SEM1: variants seen among roughly 807,000 people sequenced by gnomAD.
SEM1 encodes the protein 26S proteasome complex subunit SEM1.
Under a neutral mutation model 12.7 loss-of-function variants are expected in SEM1, and 3 were observed. The observed-to-expected ratio is 0.24, with a 90% CI of 0.11 to 0.61. The LOEUF (loss-of-function observed/expected upper bound fraction) is 0.61. SEM1 is among the 20% of genes least tolerant of loss of function. SEM1 has a pLI of 0.88. For synonymous variants in SEM1, 30 were observed against 27.8 expected (o/e 1.08, Z -0.25); for missense variants, 59 against 81.3 (o/e 0.73, Z 1.06).
At chr7:96,558,522 AG>A (rs34105097) in intron 2 of SEM1, among the ~76,000 whole-genome samples, 83,121 of 151,990 alleles carry the variant, frequency 0.55, 25,721 homozygotes, top group Non-Finnish European at 0.69. Context: ...ACAGGCAGAC[AG>A]GGGAGGAGCT....
chr7:96,584,593 T>C (rs1260470858), intron 2 of SEM1, among the ~76,000 whole-genome samples: 2 of 151,598 alleles, frequency 1.3e-5, no homozygotes, highest in Non-Finnish European at 2.9e-5. Flanking sequence ...TCCCCGTCAC[T>C]TTCAGGTACA....
chr7:96,594,624 G>GT (rs1350923247), intron 2 of SEM1, among the ~76,000 whole-genome samples: 1 of 152,094 alleles, frequency 6.6e-6, no homozygotes, highest in Non-Finnish European at 1.5e-5. Flanking sequence ...AATATTAAGT[G>GT]TTTTTTGTTA....
intron 2 of SEM1, among the ~76,000 whole-genome samples, chr7:96,552,303 C>G (rs1339685409): frequency 6.6e-6 from 1 of 152,100 alleles, no homozygotes; most frequent in African/African-American, 2.4e-5. Flanking sequence ...AACTCGTCAT[C>G]TAGCATTAGG....
chr7:96,675,709 T>TTA (rs1276400448), intron 2 of SEM1, among the ~76,000 whole-genome samples: 1 of 152,142 alleles, frequency 6.6e-6, no homozygotes, highest in Non-Finnish European at 1.5e-5. Flanking sequence ...CAGCTCCCTG[T>TTA]TATAGCCAGG....
At chr7:96,670,095 T>C (rs552334468), downstream of SEM1, among the ~76,000 whole-genome samples, 3 of 152,328 alleles carry the variant, frequency 2.0e-5, no homozygotes, top group South Asian at 4.1e-4. Context: ...TTAAATACTA[T>C]TGTTAATTTC....
intron 2 of SEM1, among the ~76,000 whole-genome samples, chr7:96,587,155 T>C (rs923802690): frequency 1.3e-5 from 2 of 152,122 alleles, no homozygotes; most frequent in Non-Finnish European, 2.9e-5. Context: ...ATTAACAAGA[T>C]TAAAGAGATT....
chr7:96,489,837 C>T (rs1041893534), intron 1 of SEM1, among the ~76,000 whole-genome samples: 1 of 152,160 alleles, frequency 6.6e-6, no homozygotes, highest in African/African-American at 2.4e-5. Context: ...TATGTCTGTG[C>T]GCCCTCTCCT....
intron 2 of SEM1, among the ~76,000 whole-genome samples, chr7:96,533,683 A>T (rs1415555369): frequency 6.6e-5 from 10 of 152,008 alleles, no homozygotes; most frequent in Non-Finnish European, 1.0e-4. Flanking sequence ...AAGTCCCTGG[A>T]GTCCTCTGGG....
At chr7:96,528,478 C>T (rs1187912070) in intron 2 of SEM1, among the ~76,000 whole-genome samples, 2 of 152,128 alleles carry the variant, frequency 1.3e-5, no homozygotes, top group African/African-American at 2.4e-5. Flanking sequence ...AGGCATTACC[C>T]ACCATGCCCA....
At chr7:96,690,451 CT>C (rs1266384156) in intron 2 of SEM1, among the ~76,000 whole-genome samples, 1 of 152,024 alleles carries the variant, frequency 6.6e-6, no homozygotes, top group Non-Finnish European at 1.5e-5. Flanking sequence ...ATGAAAAATT[CT>C]TTGCTAGAAT....
At chr7:96,616,903 A>G (rs116671319) in intron 2 of SEM1, among the ~76,000 whole-genome samples, 1,988 of 152,210 alleles carry the variant, frequency 0.013, 46 homozygotes, top group African/African-American at 0.046. Context: ...CCATTGATCT[A>G]TATGTCTATT....
chr7:96,645,803 T>C (rs1365011311), intron 2 of SEM1: 1 of 398,298 alleles, frequency 2.5e-6, no homozygotes, highest in Non-Finnish European at 4.4e-6. Flanking sequence ...GAGTGACTAA[T>C]AGGAGAACTA....
intron 2 of SEM1, among the ~76,000 whole-genome samples, chr7:96,513,058 C>T (rs536485030): frequency 1.3e-5 from 2 of 152,112 alleles, no homozygotes; most frequent in East Asian, 1.9e-4. Flanking sequence ...TGCAGATGAT[C>T]GAGTTAAGAT....
chr7:96,521,138 G>T lies in SEM1; in HGVS notation c.171-14440C>A, dbSNP rs138625825. On this transcript the variant is annotated intron_variant and NMD_transcript_variant, in intron 2 of 3. Coordinates refer to the SEM1 transcript ENST00000466986. The stretch of plus-strand genomic sequence containing the variant: ...TCTATGATTTTCTTCGAGGGGGCCT[G>T]AGGGCGAAAAAGGAGGGCCTGCAAT... 2.6e-4 allele frequency among the ~76,000 whole-genome samples: 40 copies of T among 152,192 alleles called. No homozygotes were observed. In the East Asian group the frequency reaches 7.6e-3, roughly 29 times the overall value.
downstream of SEM1, among the ~76,000 whole-genome samples, chr7:96,618,669 T>C (rs937883838): frequency 2.0e-5 from 3 of 152,124 alleles, no homozygotes; most frequent in African/African-American, 7.2e-5. Context: ...TGGTCCAGTC[T>C]GTTATTGAAG....
chr7:96,606,386 G>A (rs189416989), intron 2 of SEM1, among the ~76,000 whole-genome samples: 294 of 152,252 alleles, frequency 1.9e-3, no homozygotes, highest in Non-Finnish European at 3.0e-3. Context: ...AGGGCATTGG[G>A]TCTGTCTTAT....
chr7:96,703,160 T>C (rs908481342), intron 1 of SEM1, among the ~76,000 whole-genome samples: 1 of 152,214 alleles, frequency 6.6e-6, no homozygotes, highest in Non-Finnish European at 1.5e-5. Context: ...TTTGAAATAC[T>C]TGCATTATAT....
chr7:96,483,748 C>T, exon 4 of SEM1: 1 of 1,381,228 alleles, frequency 7.2e-7, no homozygotes, highest in Non-Finnish European at 9.9e-7. Context: ...AAGTATAGTT[C>T]TACCATGTGC....
At chr7:96,558,662 G>A (rs12533119) in intron 2 of SEM1, among the ~76,000 whole-genome samples, 83,189 of 151,990 alleles carry the variant, frequency 0.55, 25,748 homozygotes, top group Non-Finnish European at 0.69. Context: ...AGTGAAAAGA[G>A]GGTAGAAACA....
Sources: gnomAD v4.1 joint callset for allele counts (sites outside exome capture counted in the v4.1 genomes callset) on GRCh38, gnomAD v4.1.1 for gene constraint, MANE v1.5 for transcripts, NCBI Gene and HGNC (gene_info 2026-07-23, HGNC 2026-07-21) for gene names.